Variants in METTL4 observed in about 807,000 individuals in gnomAD.
The protein encoded by METTL4 is methyltransferase 4, N6-adenosine, also known as N(6)-adenine-specific methyltransferase METTL4.
METTL4 carries 40 observed loss-of-function variants against 54.0 expected under a neutral mutation model. The ratio of observed to expected loss-of-function variants is 0.74; its 90% CI spans 0.58 to 0.96. The LOEUF is 0.96. METTL4 is among the 50% of genes least tolerant of loss of function. METTL4 has a pLI of 0.00. For missense variants in METTL4, 525 were observed against 549.0 expected, an observed-to-expected ratio of 0.96 and a Z score of 0.44; for synonymous variants, 169 against 183.8, an observed-to-expected ratio of 0.92 and a Z score of 0.65.
chr18:2,566,931 T>C lies in METTL4; in HGVS notation c.286A>G (p.Thr96Ala), dbSNP rs775089989. The C allele has an allele frequency of 6.2e-7, 1 of 1,614,128 alleles. No individual in the cohort carries two copies. The highest frequency in any genetic ancestry group is 8.5e-7 in the Non-Finnish European group (1 of 1,179,998). ...ACAGCTGGAGTTATATAAGGTTTGG[T>C]GACATCAAACAGTTCAGGTCGAAAA... Reference protein sequence around the residue: ...FVFRPELFDVTKPYITPAVHK... With the variant: ...FVFRPELFDVAKPYITPAVHK... Residue 96 changes from threonine to alanine, a missense_variant, in exon 2 of 9, where the codon ACC (threonine) becomes GCC (alanine). Transcript: ENST00000574538.
rs1223113525 is a variant in METTL4 at position 2,567,491 on chromosome 18, T to C, written c.-275A>G. On this transcript the variant is annotated 5_prime_UTR_variant, in exon 2 of 9. Coordinates refer to ENST00000574538, the MANE Select transcript of METTL4 (RefSeq NM_022840.5). Reference sequence around the variant, plus strand: ...ATAATTCAACATTTTCAGCCAAAATTTGGCCAAAGGGGGTTAAAACCTGAT... The same window carrying C: ...ATAATTCAACATTTTCAGCCAAAATCTGGCCAAAGGGGGTTAAAACCTGAT... 4 of 241,324 alleles carry C rather than the reference T, an allele frequency of 1.7e-5. No homozygotes were observed. The highest frequency in any genetic ancestry group is 5.5e-5 in the Admixed American group (1 of 18,264). 14.9% of individuals were successfully genotyped at this position (241,324 alleles called of 1,614,324 possible). A position where few individuals can be genotyped will look rare whatever the true frequency, so the allele number is the denominator to read the frequency against.
chr18:2,552,085 C>T (rs1598348139), intron 5 of METTL4, among the ~76,000 whole-genome samples: 1 of 152,048 alleles, frequency 6.6e-6, no homozygotes, highest in Admixed American at 6.5e-5. Flanking sequence ...CCCAGCTACT[C>T]GGGAGGCTGA....
chr18:2,567,391 G>A lies in METTL4; in HGVS notation c.-175C>T. ...ACATTGAAGAGAATTTATCATTCAT[G>A]ATGTTAATATATACAGAAATTCTAA... On this transcript the variant is annotated 5_prime_UTR_variant, in exon 2 of 9. Transcript: ENST00000574538. The A allele has an allele frequency of 4.1e-6, 2 of 487,408 alleles. No individual in the cohort carries two copies. Among genetic ancestry groups the A allele is most frequent in the Non-Finnish European group, 7.1e-6 (2 of 280,940 alleles). The allele number at this position is 487,408 out of a possible 1,614,324, so 30.2% of individuals were successfully genotyped here.
chr18:2,549,465 C>T (rs926167976), intron 5 of METTL4, among the ~76,000 whole-genome samples: 1 of 152,036 alleles, frequency 6.6e-6, no homozygotes, highest in African/African-American at 2.4e-5. Context: ...AAGAGAAATT[C>T]CCTCAATTCC....
chr18:2,544,219 GAAGAGT>G lies in METTL4; in HGVS notation c.1243_1248del (p.Thr415_Leu416del). 6.2e-7 allele frequency: 1 copy of G among 1,610,978 alleles called. No homozygotes were observed. The highest frequency in any genetic ancestry group is 8.5e-7 in the Non-Finnish European group (1 of 1,178,926). On this transcript the variant is annotated inframe_deletion, in exon 8 of 9. Transcript: ENST00000574538. ...CCAGCAAGCGGTGGCTTATGTGAGT[GAAGAGT>G]ACAGGGCACGCTGACAATTAATTTG...
chr18:2,539,707 C>G (rs1157994817), intron 8 of METTL4: 2 of 390,630 alleles, frequency 5.1e-6, no homozygotes, highest in Non-Finnish European at 7.0e-6. Context: ...GTCTCGAACT[C>G]CTGACCTCAG....
intron 6 of METTL4, among the ~76,000 whole-genome samples, chr18:2,546,392 GGTAT>G (rs1291996596): frequency 6.6e-6 from 1 of 151,958 alleles, no homozygotes; most frequent in East Asian, 1.9e-4. Context: ...CTTTCTCATA[GGTAT>G]GTATGTATAC....
intron 3 of METTL4, among the ~76,000 whole-genome samples, chr18:2,562,815 G>A (rs1468436988): frequency 6.6e-6 from 1 of 152,138 alleles, no homozygotes; most frequent in East Asian, 1.9e-4. Context: ...TCCAGTTTGG[G>A]ATGATGAAAA....
intron 3 of METTL4, among the ~76,000 whole-genome samples, chr18:2,558,593 G>A (rs2072271099): frequency 6.6e-6 from 1 of 150,978 alleles, no homozygotes; most frequent in South Asian, 2.1e-4. Context: ...AAAAAAGTTA[G>A]AAAAAGAAGA....
At chr18:2,565,939 C>T (rs572356460) in intron 2 of METTL4, among the ~76,000 whole-genome samples, 21 of 151,724 alleles carry the variant, frequency 1.4e-4, no homozygotes, top group African/African-American at 4.4e-4. Context: ...CCCAGCTGCT[C>T]GGGAGGCTGA....
chr18:2,563,322 C>T (rs753425968), intron 3 of METTL4, among the ~76,000 whole-genome samples: 8 of 152,096 alleles, frequency 5.3e-5, no homozygotes, highest in African/African-American at 1.7e-4. Context: ...TGGATGCAGT[C>T]GCTCACTCCT....
At chr18:2,555,779 T>C (rs1434883914) in intron 3 of METTL4, among the ~76,000 whole-genome samples, 1 of 152,020 alleles carries the variant, frequency 6.6e-6, no homozygotes, top group Non-Finnish European at 1.5e-5. Flanking sequence ...TTTTTTTAAA[T>C]GCACAAAATA....
Position 2,563,747 on chromosome 18 carries a change from A to T in METTL4, c.459+50T>A, listed in dbSNP as rs768291098. On this transcript the variant is annotated intron_variant, in intron 3 of 8. Coordinates refer to ENST00000574538, the MANE Select transcript of METTL4 (RefSeq NM_022840.5). ...TATTTATGTTGTCCATTTATTTTCT[A>T]CTACTTCACATTAATCTTCCAATGT... 11 of 1,322,422 alleles carry T rather than the reference A, an allele frequency of 8.3e-6. 1 individual carries two copies. The highest frequency in any genetic ancestry group is 3.7e-4 in the Middle Eastern group (2 of 5,392). 81.9% of individuals were successfully genotyped at this position (1,322,422 alleles called of 1,614,324 possible).
At chr18:2,546,454 C>T (rs2072072022) in intron 6 of METTL4, among the ~76,000 whole-genome samples, 1 of 152,042 alleles carries the variant, frequency 6.6e-6, no homozygotes, top group African/African-American at 2.4e-5. Context: ...TTTCAGGCAT[C>T]CATTAGGGGT....
intron 5 of METTL4, among the ~76,000 whole-genome samples, chr18:2,548,732 C>T (rs2072108854): frequency 6.6e-6 from 1 of 152,150 alleles, no homozygotes; most frequent in South Asian, 2.1e-4. Flanking sequence ...TTGAGCTTAT[C>T]TAGCAGCTTA....
Position 2,567,108 on chromosome 18 carries a change from T to C in METTL4, c.109A>G (p.Lys37Glu). The change falls in exon 2 of 9, where the codon AAG becomes GAG. Residue 37 changes from lysine to glutamate, a missense_variant. Lys to Glu is a moderately conservative substitution (Grantham distance 56, BLOSUM62 1). Coordinates refer to ENST00000574538, the MANE Select transcript of METTL4 (RefSeq NM_022840.5). The stretch of plus-strand genomic sequence containing the variant: ...AAGTGAACAGAAGTAGTGAACTCCT[T>C]TTTACGGCAACAAGGTTCATGATGC... ...HQHHEPCCRK[K>E]EFTTSVHFES... is the part of the protein sequence containing the mutation. 6.2e-7 allele frequency: 1 copy of C among 1,614,192 alleles called. No individual in the cohort carries two copies. The highest frequency in any genetic ancestry group is 8.5e-7 in the Non-Finnish European group (1 of 1,180,026).
intron 5 of METTL4, among the ~76,000 whole-genome samples, chr18:2,552,405 TAGAATTTG>T (rs1320493197): frequency 1.3e-5 from 2 of 152,202 alleles, no homozygotes; most frequent in Non-Finnish European, 2.9e-5. Context: ...TTCTAAACTT[TAGAATTTG>T]ATATCAAAGA....
chr18:2,569,990 C>T (rs1053144332), intron 1 of METTL4, among the ~76,000 whole-genome samples: 1 of 152,158 alleles, frequency 6.6e-6, no homozygotes, highest in Non-Finnish European at 1.5e-5. Flanking sequence ...AAAGAGTCAC[C>T]AGGGTTATTC....
intron 1 of METTL4, among the ~76,000 whole-genome samples, chr18:2,570,710 A>G (rs1235179467): frequency 6.6e-6 from 1 of 152,188 alleles, no homozygotes; most frequent in African/African-American, 2.4e-5. Flanking sequence ...CTAGAAATTC[A>G]GACGGGAAAA....
Sources: gnomAD v4.1 joint callset for allele counts (sites outside exome capture counted in the v4.1 genomes callset) on GRCh38, gnomAD v4.1.1 for gene constraint, MANE v1.5 for transcripts, NCBI Gene and HGNC (gene_info 2026-07-23, HGNC 2026-07-21) for gene names.